Variants in LRP5 observed in about 807,000 individuals in gnomAD.
The protein encoded by LRP5 is LDL receptor related protein 5, also known as low-density lipoprotein receptor-related protein 5.
Under a neutral mutation model 154.1 loss-of-function variants are expected in LRP5, and 62 were observed. The observed-to-expected ratio is 0.40, with a 90% CI of 0.33 to 0.50. The LOEUF (loss-of-function observed/expected upper bound fraction) is 0.50. Among genes scored for constraint, LRP5 ranks in the 20% least tolerant of loss-of-function variants. The pLI is 0.55. For synonymous variants in LRP5, 966 were observed against 1,011.5 expected (o/e 0.96, Z 0.85); for missense variants, 1,915 against 2,336.7 (o/e 0.82, Z 3.72).
intron 1 of LRP5, among the ~76,000 whole-genome samples, chr11:68,328,058 G>A (rs1416924410): frequency 6.6e-6 from 1 of 152,224 alleles, no homozygotes; most frequent in Non-Finnish European, 1.5e-5. Context: ...AAGAATGTTA[G>A]CCTCTGAGAT....
chr11:68,403,736 G>T (rs1427297830), intron 8 of LRP5, 37 bp downstream of exon 8: 2 of 1,610,436 alleles, frequency 1.2e-6, no homozygotes, highest in African/African-American at 2.7e-5. Context: ...GCTCAGCCAT[G>T]CAGACTTGCA....
intron 1 of LRP5, among the ~76,000 whole-genome samples, chr11:68,323,560 C>T (rs960442756): frequency 1.3e-5 from 2 of 152,166 alleles, no homozygotes; most frequent in Admixed American, 6.5e-5. Context: ...ACTACAGGCA[C>T]ACACCACCAG....
intron 11 of LRP5, 125 bp downstream of exon 11, chr11:68,411,745 C>A: frequency 9.9e-7 from 1 of 1,007,504 alleles, no homozygotes; most frequent in Non-Finnish European, 1.4e-6. Flanking sequence ...GCTGTGGCCA[C>A]ACCCACGACT....
intron 1 of LRP5, among the ~76,000 whole-genome samples, chr11:68,327,959 G>A (rs2098600640): frequency 6.6e-6 from 1 of 152,194 alleles, no homozygotes; most frequent in Non-Finnish European, 1.5e-5. Context: ...TTGATTCCAA[G>A]GAAATCAAAG....
chr11:68,372,656 C>G (rs554367193), intron 5 of LRP5, among the ~76,000 whole-genome samples: 2 of 152,214 alleles, frequency 1.3e-5, no homozygotes, highest in South Asian at 4.1e-4. Flanking sequence ...TGGAGGAAGG[C>G]TGTGTGGGTT....
In LRP5 at chr11:68,403,603, G is replaced by C. The variant is rs768268948; in HGVS notation, c.1705G>C (p.Glu569Gln). 1 of 1,614,184 alleles carries C rather than the reference G, an allele frequency of 6.2e-7. No individual in the cohort carries two copies. Among genetic ancestry groups the C allele is most frequent in the Non-Finnish European group, 8.5e-7 (1 of 1,180,046 alleles). ...YWTDWQRRSIERVHKVKASRD... is the reference protein window; with the variant it reads ...YWTDWQRRSIQRVHKVKASRD... ...GACTGACTGGCAGCGCCGCAGCATCGAGCGGGTGCACAAGGTCAAGGCCAG... is the reference window on the plus strand; with the variant it reads ...GACTGACTGGCAGCGCCGCAGCATCCAGCGGGTGCACAAGGTCAAGGCCAG... Residue 569 changes from glutamate to glutamine, a missense_variant, in exon 8 of 23, where the codon GAG (glutamate) becomes CAG (glutamine). By Grantham distance (29) the Glu-to-Gln change is conservative. This residue lies in a region of LRP5 where 773 missense variants were observed against 1,100.9 expected (regional missense o/e 0.70). Coordinates refer to ENST00000294304, the MANE Select transcript of LRP5 (RefSeq NM_002335.4).
In LRP5 at chr11:68,363,728, C is replaced by T. The variant is rs1307955943; in HGVS notation, c.687-19C>T. On this transcript the variant is annotated intron_variant, in intron 3 of 22. Transcript: ENST00000294304. ...GGGACCCTCCTGATGGCTCCTCCAC[C>T]CCGCTTCCCTGACTGCAGGCAGAAG... is the stretch of plus-strand genomic sequence containing the variant. 2 of 1,609,224 alleles carry T rather than the reference C, an allele frequency of 1.2e-6. No individual in the cohort carries two copies. The highest frequency in any genetic ancestry group is 2.2e-5 in the South Asian group (2 of 90,714).
At chr11:68,373,846 T>C (rs1210120658) in intron 5 of LRP5, among the ~76,000 whole-genome samples, 1 of 152,230 alleles carries the variant, frequency 6.6e-6, no homozygotes. Flanking sequence ...CTGTGGAACG[T>C]GCCCCTGTTC....
chr11:68,448,745 C>T (rs2098682779), intron 22 of LRP5, 64 bp from the exon 23 acceptor site: 2 of 1,587,756 alleles, frequency 1.3e-6, no homozygotes. Context: ...AGCCCCGGGG[C>T]TGCTGTGCCC....
At chr11:68,403,451 C>T in intron 7 of LRP5, 32 bp from the exon 8 acceptor site, 3 of 1,600,696 alleles carry the variant, frequency 1.9e-6, no homozygotes, top group South Asian at 2.2e-5. Context: ...TGGCCCTGGC[C>T]CATCCAGACC....
In LRP5 at chr11:68,423,824, A is replaced by G; in HGVS notation, c.3236+127A>G. On this transcript the variant is annotated intron_variant, in intron 14 of 22. Transcript: ENST00000294304. This position sits in a 1 kb window ranked among gnomAD's most constrained non-coding sequence, Gnocchi z 4.7. ...CTGGGGATCCAATGGGTGGCTTTCC[A>G]GGGTCCCAAAAGCAAACACAGGCTC... The G allele has an allele frequency of 1.1e-6, 1 of 889,058 alleles. No individual in the cohort carries two copies. The highest frequency in any genetic ancestry group is 1.7e-6 in the Non-Finnish European group (1 of 584,284). 55.1% of individuals were successfully genotyped at this position (889,058 alleles called of 1,614,324 possible).
intron 6 of LRP5, among the ~76,000 whole-genome samples, chr11:68,388,981 CTGA>C (rs2098644560): frequency 6.6e-6 from 1 of 152,208 alleles, no homozygotes; most frequent in African/African-American, 2.4e-5. Flanking sequence ...TTTACCGACA[CTGA>C]CATTTACCAA....
intron 20 of LRP5, 63 bp downstream of exon 20, chr11:68,438,745 G>A: frequency 1.3e-6 from 2 of 1,484,548 alleles, no homozygotes; most frequent in South Asian, 1.1e-5. Context: ...GCAGCTTTGG[G>A]GAGTGGAGCA....
At chr11:68,339,200 G>T (rs974844274) in intron 1 of LRP5, among the ~76,000 whole-genome samples, 2 of 151,976 alleles carry the variant, frequency 1.3e-5, no homozygotes, top group East Asian at 3.9e-4. Context: ...TTTTGAGACA[G>T]AGTCTCCTTC....
chr11:68,313,047 C>G (rs1005271372), intron 1 of LRP5, among the ~76,000 whole-genome samples: 1 of 146,974 alleles, frequency 6.8e-6, no homozygotes, highest in Non-Finnish European at 1.5e-5. Context: ...AGGAGGGCGC[C>G]CGCTCCGCCA....
intron 1 of LRP5, among the ~76,000 whole-genome samples, chr11:68,335,255 A>C (rs1486744030): frequency 6.6e-6 from 1 of 151,854 alleles, no homozygotes; most frequent in Non-Finnish European, 1.5e-5. Flanking sequence ...TTAAAAAAAT[A>C]TACAGATGAG....
In LRP5 at chr11:68,429,695, G is replaced by T. The variant is rs768615287; in HGVS notation, c.3758G>T (p.Cys1253Phe). The T allele has an allele frequency of 3.1e-6, 5 of 1,614,126 alleles. No homozygotes were observed. Among genetic ancestry groups the T allele is most frequent in the Non-Finnish European group, 4.2e-6 (5 of 1,180,040 alleles). Residue 1253 changes from cysteine (C) to phenylalanine (F), a missense_variant, in exon 17 of 23, where the codon TGT (cysteine) becomes TTT (phenylalanine). Around this residue, in one of 3 missense-constraint regions of LRP5, gnomAD observed 1,094 missense variants for 1,210.1 expected, o/e 0.90. Coordinates refer to ENST00000294304, the MANE Select transcript of LRP5 (RefSeq NM_002335.4). ...GTGCTCCTGCAGAACCTGCTGACCT[G>T]TGGAGGTAGGTGTGACCTAGGTGCT... is the stretch of plus-strand genomic sequence containing the variant. The part of the protein sequence containing the change: ...HLVLLQNLLT[C>F]GEPPTCSPDQ...
chr11:68,416,041 C>T (rs1346040327), intron 12 of LRP5, among the ~76,000 whole-genome samples: 2 of 151,158 alleles, frequency 1.3e-5, no homozygotes, highest in Non-Finnish European at 2.9e-5. Flanking sequence ...GGCAACAGTG[C>T]GAGACTCCAT....
At chr11:68,434,892 TC>T (rs1266356018) in intron 18 of LRP5, among the ~76,000 whole-genome samples, 2 of 152,196 alleles carry the variant, frequency 1.3e-5, no homozygotes, top group Non-Finnish European at 2.9e-5. Flanking sequence ...GGGAGTAACC[TC>T]CCTGCATGTT....
Sources: allele counts gnomAD v4.1 joint callset (sites outside exome capture counted in the v4.1 genomes callset), GRCh38; gene constraint gnomAD v4.1.1; regional missense constraint gnomAD v4.1.1; non-coding constraint Gnocchi (gnomAD v3.1); transcripts MANE v1.5; gene names NCBI Gene and HGNC (gene_info 2026-07-23, HGNC 2026-07-21).